The following GRM3 variants were observed in gnomAD, a reference collection of about 807,000 sequenced individuals.
GRM3 encodes glutamate metabotropic receptor 3.
Under a neutral mutation model 70.5 loss-of-function variants are expected in GRM3, and 26 were observed. That is an observed-to-expected ratio of 0.37 (90% CI 0.27 to 0.51). The LOEUF is 0.51. Among genes scored for constraint, GRM3 ranks in the 20% least tolerant of loss-of-function variants. The pLI, the probability that GRM3 is intolerant of heterozygous loss-of-function variation, is 0.93. For synonymous variants in GRM3, 443 were observed against 434.9 expected (o/e 1.02, Z -0.23); for missense variants, 859 against 1,123.8 (o/e 0.76, Z 3.37).
intron 1 of GRM3, among the ~76,000 whole-genome samples, chr7:86,708,044 G>A (rs1008660066): frequency 6.6e-6 from 1 of 151,988 alleles, no homozygotes; most frequent in African/African-American, 2.4e-5. Context: ...TCAATTAATC[G>A]ACTCCGGTAC....
At chr7:86,707,933 C>A (rs1041501472) in intron 1 of GRM3, among the ~76,000 whole-genome samples, 3 of 151,838 alleles carry the variant, frequency 2.0e-5, no homozygotes, top group Non-Finnish European at 2.9e-5. Context: ...CATTAAGAAC[C>A]CTATGAAAAA....
intron 3 of GRM3, among the ~76,000 whole-genome samples, chr7:86,808,483 C>CTT: frequency 6.6e-6 from 1 of 150,938 alleles, no homozygotes; most frequent in Middle Eastern, 3.4e-3. Context: ...TCTTCTGTAG[C>CTT]TTTTTTTTTC....
intron 1 of GRM3, among the ~76,000 whole-genome samples, chr7:86,734,902 C>T (rs1361070946): frequency 6.6e-6 from 1 of 152,118 alleles, no homozygotes; most frequent in Non-Finnish European, 1.5e-5. Context: ...TTTTCTACTA[C>T]ACTTGATAGA....
intron 5 of GRM3, among the ~76,000 whole-genome samples, chr7:86,861,846 C>T (rs762428009): frequency 6.6e-6 from 1 of 152,086 alleles, no homozygotes; most frequent in Non-Finnish European, 1.5e-5. Context: ...ACTCTCACTG[C>T]TGTATAGAGA....
intron 3 of GRM3, among the ~76,000 whole-genome samples, chr7:86,809,305 G>T (rs548288469): frequency 2.4e-4 from 37 of 152,104 alleles, no homozygotes; most frequent in African/African-American, 8.2e-4. Flanking sequence ...AAATAATAAA[G>T]TGTTTCTACA....
chr7:86,859,163 G>A (rs1172034537), intron 5 of GRM3, among the ~76,000 whole-genome samples: 1 of 152,016 alleles, frequency 6.6e-6, no homozygotes, highest in African/African-American at 2.4e-5. Context: ...TTGCTACATT[G>A]CCCAGGCTGG....
At chr7:86,758,152 T>C (rs1403603890) in intron 1 of GRM3, among the ~76,000 whole-genome samples, 1 of 152,082 alleles carries the variant, frequency 6.6e-6, no homozygotes, top group Non-Finnish European at 1.5e-5. Context: ...AACAGAAGAG[T>C]TAATTCACTA....
intron 3 of GRM3, among the ~76,000 whole-genome samples, chr7:86,802,306 A>AG (rs1797701010): frequency 6.6e-6 from 1 of 152,154 alleles, no homozygotes; most frequent in Non-Finnish European, 1.5e-5. Flanking sequence ...AGAAAAAAAA[A>AG]CAAGGTTTGT....
chr7:86,692,869 A>C (rs1483988480), intron 1 of GRM3, among the ~76,000 whole-genome samples: 2 of 152,228 alleles, frequency 1.3e-5, no homozygotes, highest in Non-Finnish European at 2.9e-5. Context: ...AACCAATAGT[A>C]AAGCAGGTGT....
intron 1 of GRM3, among the ~76,000 whole-genome samples, chr7:86,734,553 G>T (rs746612613): frequency 3.9e-5 from 6 of 152,120 alleles, no homozygotes; most frequent in Non-Finnish European, 7.3e-5. Flanking sequence ...ATATTTATTT[G>T]TAAAGAATAA....
chr7:86,764,743 A>C (rs1009676013), intron 1 of GRM3, among the ~76,000 whole-genome samples: 1 of 152,090 alleles, frequency 6.6e-6, no homozygotes, highest in Non-Finnish European at 1.5e-5. Flanking sequence ...GTCCAAACCC[A>C]ATCTGCAATA....
intron 3 of GRM3, among the ~76,000 whole-genome samples, chr7:86,815,999 G>A (rs552870941): frequency 7.9e-5 from 12 of 151,878 alleles, no homozygotes; most frequent in African/African-American, 2.4e-4. Context: ...TCTATTATTC[G>A]TATAATAATT....
At chr7:86,692,560 TCTCTC>T (rs1241800852) in intron 1 of GRM3, among the ~76,000 whole-genome samples, 4 of 152,202 alleles carry the variant, frequency 2.6e-5, no homozygotes, top group African/African-American at 9.6e-5. Context: ...CACATCTCTC[TCTCTC>T]ATCACTTTGC....
At chr7:86,781,042 A>T (rs918415122) in intron 2 of GRM3, among the ~76,000 whole-genome samples, 1 of 152,194 alleles carries the variant, frequency 6.6e-6, no homozygotes, top group Admixed American at 6.5e-5. Flanking sequence ...CCTACCACTT[A>T]TGGGTTCCTC....
chr7:86,809,259 T>A (rs1797863071), intron 3 of GRM3, among the ~76,000 whole-genome samples: 1 of 152,074 alleles, frequency 6.6e-6, no homozygotes, highest in Non-Finnish European at 1.5e-5. Context: ...ATTTTTATAT[T>A]CAAGACTCAA....
intron 1 of GRM3, among the ~76,000 whole-genome samples, chr7:86,759,729 A>C (rs1321682712): frequency 6.6e-6 from 1 of 152,200 alleles, no homozygotes; most frequent in African/African-American, 2.4e-5. Context: ...ACAGTGGAGT[A>C]ACATGGAAGG....
At chr7:86,690,820 A>T (rs1373587777) in intron 1 of GRM3, among the ~76,000 whole-genome samples, 1 of 152,154 alleles carries the variant, frequency 6.6e-6, no homozygotes, top group Non-Finnish European at 1.5e-5. Flanking sequence ...TGAAGAAGTT[A>T]TCTGAACACA....
At chr7:86,756,074 G>T (rs1196941603) in intron 1 of GRM3, among the ~76,000 whole-genome samples, 1 of 151,872 alleles carries the variant, frequency 6.6e-6, no homozygotes, top group African/African-American at 2.4e-5. Flanking sequence ...TTCTTTGTTT[G>T]TTTGTTTGTT....
At chr7:86,850,662 G>A in intron 5 of GRM3, 118 bp downstream of exon 5, 2 of 734,108 alleles carry the variant, frequency 2.7e-6, no homozygotes, top group Admixed American at 4.0e-5. Flanking sequence ...ATTTTACTAA[G>A]TATGGATTTA....
Sources: allele counts gnomAD v4.1 joint callset (sites outside exome capture counted in the v4.1 genomes callset), GRCh38; gene constraint gnomAD v4.1.1; transcripts MANE v1.5; gene names NCBI Gene and HGNC (gene_info 2026-07-23, HGNC 2026-07-21).